The following MITF variants were observed in gnomAD, a reference collection of about 807,000 sequenced individuals.
The protein encoded by MITF is microphthalmia-associated transcription factor.
Under a neutral mutation model 60.5 loss-of-function variants are expected in MITF, and 17 were observed. The observed-to-expected ratio is 0.28, with a 90% CI of 0.19 to 0.42. The LOEUF is 0.42. MITF is among the 10% of genes least tolerant of loss of function. MITF has a pLI of 1.00. For missense variants in MITF, 622 were observed against 683.5 expected (o/e 0.91, Z 1.00); for synonymous variants, 260 against 248.5 (o/e 1.05, Z -0.43).
At chr3:69,778,166 T>C (rs938699108) in intron 1 of MITF, among the ~76,000 whole-genome samples, 1 of 152,090 alleles carries the variant, frequency 6.6e-6, no homozygotes, top group East Asian at 1.9e-4. Context: ...GGATGTCTTT[T>C]AGATTTCTCA....
intron 2 of MITF, among the ~76,000 whole-genome samples, chr3:69,913,026 A>G (rs771206701): frequency 2.1e-4 from 32 of 152,214 alleles, no homozygotes; most frequent in Non-Finnish European, 4.0e-4. Flanking sequence ...AGATAGATCT[A>G]GGTGTGTTGA....
At chr3:69,905,250 C>A (rs11128145) in intron 2 of MITF, among the ~76,000 whole-genome samples, 2,349 of 152,218 alleles carry the variant, frequency 0.015, 26 homozygotes, top group Middle Eastern at 0.051. Flanking sequence ...GGGAGAGAGG[C>A]CTGGCTTCTT....
chr3:69,808,759 G>A (rs569838488), intron 1 of MITF, among the ~76,000 whole-genome samples: 1 of 152,218 alleles, frequency 6.6e-6, no homozygotes, highest in Admixed American at 6.5e-5. Context: ...GAAGGGTTTA[G>A]ATCTTTACCC....
At chr3:69,853,614 T>C (rs905649074) in intron 1 of MITF, among the ~76,000 whole-genome samples, 6 of 152,166 alleles carry the variant, frequency 3.9e-5, no homozygotes, top group African/African-American at 1.4e-4. Context: ...CCCTACCTAG[T>C]TAACCATCAT....
chr3:69,815,561 A>G (rs1394282305), intron 1 of MITF, among the ~76,000 whole-genome samples: 1 of 152,236 alleles, frequency 6.6e-6, no homozygotes, highest in Non-Finnish European at 1.5e-5. Flanking sequence ...TTGTAAGAAT[A>G]CAGTGCACAA....
At chr3:69,932,972 ATC>A (rs1413240564) in intron 2 of MITF, among the ~76,000 whole-genome samples, 1 of 152,174 alleles carries the variant, frequency 6.6e-6, no homozygotes, top group East Asian at 1.9e-4. Context: ...AGAACAAATT[ATC>A]TCTCTAAACA....
chr3:69,953,902 G>A (rs1179156331), intron 7 of MITF, among the ~76,000 whole-genome samples: 1 of 152,000 alleles, frequency 6.6e-6, no homozygotes, highest in East Asian at 1.9e-4. Context: ...AGCACACTGG[G>A]GAGAGACGTG....
chr3:69,818,963 G>A (rs1257005078), intron 1 of MITF, among the ~76,000 whole-genome samples: 1 of 152,166 alleles, frequency 6.6e-6, no homozygotes, highest in African/African-American at 2.4e-5. Context: ...GAGGACTGAA[G>A]TGTTTAAAAT....
chr3:69,857,282 A>G (rs1317298204), intron 1 of MITF, among the ~76,000 whole-genome samples: 1 of 152,090 alleles, frequency 6.6e-6, no homozygotes, highest in African/African-American at 2.4e-5. Flanking sequence ...TGGGCTCTGG[A>G]GTTTCAAACT....
intron 1 of MITF, chr3:69,758,904 T>A (rs542053650): frequency 2.5e-4 from 55 of 217,934 alleles, no homozygotes; most frequent in Non-Finnish European, 4.1e-4. Context: ...TGGCATGTCC[T>A]TCTTGGGATA....
intron 8 of MITF, among the ~76,000 whole-genome samples, chr3:69,959,055 G>T (rs1166620357): frequency 1.3e-5 from 2 of 152,008 alleles, no homozygotes; most frequent in Admixed American, 1.3e-4. Context: ...CCTACACGTT[G>T]GGTACAGTGT....
intron 1 of MITF, among the ~76,000 whole-genome samples, chr3:69,829,025 A>G (rs1006033265): frequency 6.6e-6 from 1 of 152,048 alleles, no homozygotes; most frequent in Non-Finnish European, 1.5e-5. Context: ...TGCTTCATGA[A>G]CTGTGTGGTG....
intron 1 of MITF, among the ~76,000 whole-genome samples, chr3:69,864,848 G>A (rs999408499): frequency 1.3e-5 from 2 of 152,078 alleles, no homozygotes; most frequent in African/African-American, 4.8e-5. Context: ...TGCCTGGAAA[G>A]CATTTTTTCT....
Position 69,965,085 on chromosome 3 carries a change from TCCCCACAAAAA to T in MITF, c.1419_1429del (p.Pro474GlyfsTer20). 6.2e-7 allele frequency: 1 copy of T among 1,614,010 alleles called. No homozygotes were observed. On this transcript the variant is annotated frameshift_variant, in exon 10 of 10. Coordinates refer to ENST00000352241, the MANE Select transcript of MITF (RefSeq NM_001354604.2). LOFTEE classifies it high-confidence loss of function. ...ACTGAGGCCAACCAAGCCTATAGTGTCCCCACAAAAATGGGATCCAAACTGGAAGACATCCT... is the reference window on the plus strand; with the variant it reads ...ACTGAGGCCAACCAAGCCTATAGTGTTGGGATCCAAACTGGAAGACATCCT...
chr3:69,880,253 G>T (rs1029761936), intron 2 of MITF, among the ~76,000 whole-genome samples: 4 of 152,018 alleles, frequency 2.6e-5, no homozygotes, highest in African/African-American at 9.7e-5. Flanking sequence ...ATTGGTTTTT[G>T]CATTCATCCA....
intron 1 of MITF, among the ~76,000 whole-genome samples, chr3:69,803,395 G>C (rs1408797919): frequency 6.6e-6 from 1 of 152,094 alleles, no homozygotes; most frequent in Admixed American, 6.6e-5. Flanking sequence ...TCAGAAACAG[G>C]GGCTGTATTT....
In MITF at chr3:69,965,779, T is replaced by A. The variant is rs1012661083; in HGVS notation, c.*531T>A. ...CTCTAGCTTTGTTTAGTCTTTATAC[T>A]GCAAACTATTTAAAGAAATATGTAT... On this transcript the variant is annotated 3_prime_UTR_variant, in exon 10 of 10. Coordinates refer to ENST00000352241, the MANE Select transcript of MITF (RefSeq NM_001354604.2). 4.3e-6 allele frequency: 1 copy of A among 231,080 alleles called. No homozygotes were observed. Among genetic ancestry groups the A allele is most frequent in the Non-Finnish European group, 8.5e-6 (1 of 117,198 alleles). The allele number at this position is 231,080 out of a possible 1,614,324, so 14.3% of individuals were successfully genotyped here. A position where few individuals can be genotyped will look rare whatever the true frequency, so the allele number is the denominator to read the frequency against.
chr3:69,943,465 G>T (rs1412536664), intron 5 of MITF, among the ~76,000 whole-genome samples: 2 of 151,956 alleles, frequency 1.3e-5, no homozygotes, highest in African/African-American at 2.4e-5. Flanking sequence ...ATATTATGTG[G>T]TCAACTCACT....
intron 5 of MITF, 89 bp from the exon 6 acceptor site, chr3:69,948,962 A>T (rs906647452): frequency 8.5e-6 from 8 of 943,288 alleles, no homozygotes; most frequent in Admixed American, 3.9e-5. Context: ...TTTTTCTTAA[A>T]TAAATCCTAG....
Sources: gnomAD v4.1 joint callset for allele counts (sites outside exome capture counted in the v4.1 genomes callset) on GRCh38, gnomAD v4.1.1 for gene constraint, MANE v1.5 for transcripts, NCBI Gene and HGNC (gene_info 2026-07-23, HGNC 2026-07-21) for gene names.